KIAA0825: variants seen among roughly 807,000 people sequenced by gnomAD.
KIAA0825 encodes the protein uncharacterized protein KIAA0825.
Under a neutral mutation model 147.6 loss-of-function variants are expected in KIAA0825, and 119 were observed. The observed-to-expected ratio is 0.81, with a 90% CI of 0.69 to 0.94. KIAA0825 has a LOEUF of 0.94. Ranked by LOEUF, KIAA0825 falls within the 40% of genes least tolerant of loss-of-function variation. The probability of loss-of-function intolerance (pLI) is 0.00; values close to 1 mark genes in which losing one functional copy is unlikely to be tolerated. For synonymous variants in KIAA0825, 470 were observed against 518.1 expected (o/e 0.91, Z 1.26); for missense variants, 1,381 against 1,472.7 (o/e 0.94, Z 1.02).
At chr5:94,372,641 C>T (rs1173693616) in intron 20 of KIAA0825, among the ~76,000 whole-genome samples, 1 of 152,190 alleles carries the variant, frequency 6.6e-6, no homozygotes, top group Non-Finnish European at 1.5e-5. Context: ...GGGCCCAGGC[C>T]ACAAAGCATT....
chr5:94,529,987 C>A (rs977853313), intron 3 of KIAA0825, among the ~76,000 whole-genome samples: 5 of 152,020 alleles, frequency 3.3e-5, no homozygotes, highest in African/African-American at 1.2e-4. Context: ...AATGGACTTA[C>A]TAGCTGGGCA....
chr5:94,570,141 A>G (rs1779656256), intron 2 of KIAA0825: 1 of 152,222 alleles, frequency 6.6e-6, no homozygotes, highest in African/African-American at 2.4e-5. Context: ...CTATTCCTAC[A>G]CGAAATAGGA....
intron 2 of KIAA0825, among the ~76,000 whole-genome samples, chr5:94,574,945 C>T (rs1462838235): frequency 6.6e-6 from 1 of 152,164 alleles, no homozygotes; most frequent in African/African-American, 2.4e-5. Flanking sequence ...AAACCCCATT[C>T]ACAGCTACCT....
At chr5:94,195,708 A>G (rs1022864760) in intron 20 of KIAA0825, among the ~76,000 whole-genome samples, 11 of 152,144 alleles carry the variant, frequency 7.2e-5, no homozygotes, top group Non-Finnish European at 1.5e-4. Context: ...AATCACCAAC[A>G]AAGGGACATA....
intron 20 of KIAA0825, among the ~76,000 whole-genome samples, chr5:94,209,277 AG>A (rs1772485237): frequency 6.6e-6 from 1 of 152,238 alleles, no homozygotes; most frequent in Admixed American, 6.5e-5. Context: ...ATATAATCAT[AG>A]AAACACACAT....
chr5:94,505,268 T>C (rs1310722086), intron 5 of KIAA0825, among the ~76,000 whole-genome samples: 1 of 150,676 alleles, frequency 6.6e-6, no homozygotes, highest in Non-Finnish European at 1.5e-5. Context: ...GGCTGAGGCA[T>C]GAGAATTGTT....
At position 94,199,082 on chromosome 5, in the gene KIAA0825, G is replaced by A. The variant is rs536327957; in HGVS notation, c.3711-44958C>T. On this transcript the variant is annotated intron_variant, in intron 20 of 20. Coordinates refer to ENST00000682413, the MANE Select transcript of KIAA0825 (RefSeq NM_001145678.3). ...AGTCTGGTTAAGAACCATTGGTGGG[G>A]AGCTAGTATGATCATTTTGAGGTAA... 2.0e-5 allele frequency among the ~76,000 whole-genome samples: 3 copies of A among 152,246 alleles called. 1 individual carries two copies. Among genetic ancestry groups the A allele is most frequent in the African/African-American group, 7.2e-5 (3 of 41,550 alleles).
chr5:94,454,659 T>C (rs1758859408), intron 12 of KIAA0825, among the ~76,000 whole-genome samples: 1 of 152,314 alleles, frequency 6.6e-6, no homozygotes, highest in Middle Eastern at 3.4e-3. Context: ...GACTTAGTAC[T>C]GGCAGTAAAG....
intron 1 of KIAA0825, chr5:94,594,400 G>A: frequency 2.6e-6 from 2 of 771,834 alleles, no homozygotes; most frequent in Non-Finnish European, 4.6e-6. Context: ...GGAATCAATT[G>A]TGTAAAAGCC....
At chr5:94,613,439 T>G (rs1285239421) in intron 1 of KIAA0825, among the ~76,000 whole-genome samples, 4 of 152,192 alleles carry the variant, frequency 2.6e-5, no homozygotes, top group African/African-American at 9.7e-5. Flanking sequence ...TCTCAAGAGA[T>G]CCGCCCGCAT....
chr5:94,246,894 A>T (rs1775653076), intron 20 of KIAA0825, among the ~76,000 whole-genome samples: 2 of 152,176 alleles, frequency 1.3e-5, no homozygotes, highest in Non-Finnish European at 2.9e-5. Flanking sequence ...GTTGATTGTG[A>T]AACAAAGATG....
At chr5:94,371,358 T>C (rs1746681669) in intron 20 of KIAA0825, among the ~76,000 whole-genome samples, 1 of 152,172 alleles carries the variant, frequency 6.6e-6, no homozygotes, top group Non-Finnish European at 1.5e-5. Context: ...AATAGTATTA[T>C]TTTATAAGTC....
intron 13 of KIAA0825, among the ~76,000 whole-genome samples, chr5:94,452,637 T>C (rs762783741): frequency 1.3e-4 from 20 of 152,322 alleles, no homozygotes; most frequent in Middle Eastern, 3.4e-3. Flanking sequence ...CATGTCTATG[T>C]TTGATAATTA....
Position 94,160,661 on chromosome 5 carries a change from T to C in KIAA0825, c.3711-6537A>G, listed in dbSNP as rs140712081. 4.7e-5 allele frequency among the ~76,000 whole-genome samples: 7 copies of C among 148,864 alleles called. No individual in the cohort carries two copies. The East Asian group carries it at 1.4e-3, about 29-fold the overall frequency. On this transcript the variant is annotated intron_variant, in intron 20 of 20. Coordinates refer to ENST00000682413, the MANE Select transcript of KIAA0825 (RefSeq NM_001145678.3). ...ATGTGTGTATATTAAATATATACTG[T>C]ATGTATGTATATTTACTATATACAT... is the stretch of plus-strand genomic sequence containing the variant.
At chr5:94,425,028 C>T (rs1405163995) in intron 14 of KIAA0825, among the ~76,000 whole-genome samples, 1 of 152,082 alleles carries the variant, frequency 6.6e-6, no homozygotes, top group Non-Finnish European at 1.5e-5. Context: ...AGTACAAGAC[C>T]AGAGGGTTTC....
intron 20 of KIAA0825, among the ~76,000 whole-genome samples, chr5:94,220,697 T>C (rs1001366848): frequency 6.6e-6 from 1 of 152,202 alleles, no homozygotes; most frequent in Non-Finnish European, 1.5e-5. Context: ...CATCATTATG[T>C]GGCAAATGAC....
intron 5 of KIAA0825, among the ~76,000 whole-genome samples, chr5:94,491,747 C>T (rs1430808338): frequency 5.9e-5 from 9 of 152,160 alleles, no homozygotes; most frequent in Non-Finnish European, 1.3e-4. Flanking sequence ...AATATTTACA[C>T]CTTAGTTTGC....
At chr5:94,323,890 T>C (rs1780438578) in intron 20 of KIAA0825, among the ~76,000 whole-genome samples, 1 of 151,946 alleles carries the variant, frequency 6.6e-6, no homozygotes, top group African/African-American at 2.4e-5. Context: ...AGACATCCAA[T>C]TTACTAAACA....
chr5:94,220,893 T>G (rs918220051), intron 20 of KIAA0825, among the ~76,000 whole-genome samples: 2 of 152,128 alleles, frequency 1.3e-5, no homozygotes, highest in Non-Finnish European at 2.9e-5. Flanking sequence ...ACTATTAATA[T>G]TAACCTATTT....
Sources: allele counts gnomAD v4.1 joint callset (sites outside exome capture counted in the v4.1 genomes callset), GRCh38; gene constraint gnomAD v4.1.1; transcripts MANE v1.5; gene names NCBI Gene and HGNC (gene_info 2026-07-23, HGNC 2026-07-21).